The following VEGFC variants were observed in gnomAD, a reference collection of about 807,000 sequenced individuals.
VEGFC encodes vascular endothelial growth factor C, also known as FLT4 ligand DHM.
A neutral mutation model predicts 46.1 loss-of-function variants in VEGFC; 12 were observed. The ratio of observed to expected loss-of-function variants is 0.26; its 90% CI spans 0.17 to 0.42. The LOEUF is 0.42. Ranked by LOEUF, VEGFC falls within the 10% of genes least tolerant of loss-of-function variation. The probability of loss-of-function intolerance (pLI) is 1.00; values close to 1 mark genes in which losing one functional copy is unlikely to be tolerated. For synonymous variants in VEGFC, 232 were observed against 195.5 expected (o/e 1.19, Z -1.56); for missense variants, 488 against 529.4 (o/e 0.92, Z 0.77).
chr4:176,768,424 T>C (rs1057073594), intron 1 of VEGFC, among the ~76,000 whole-genome samples: 2 of 147,064 alleles, frequency 1.4e-5, no homozygotes, highest in Non-Finnish European at 3.0e-5. Context: ...AATGAGTGCA[T>C]TGAAGACAAA....
chr4:176,720,027 C>T (rs1342711166), intron 3 of VEGFC, among the ~76,000 whole-genome samples: 1 of 151,852 alleles, frequency 6.6e-6, no homozygotes, highest in Non-Finnish European at 1.5e-5. Context: ...CCATTGCACT[C>T]CAGCCTGGGT....
At chr4:176,740,017 A>ATATTCGATATATCGAATATATATAAC (rs1190624548) in intron 1 of VEGFC, among the ~76,000 whole-genome samples, 3 of 84,344 alleles carry the variant, frequency 3.6e-5, no homozygotes, top group Admixed American at 3.6e-4. Flanking sequence ...ATATAACTAT[A>ATATTCGATATATCGAATATATATAAC]TATTCGATAT....
chr4:176,732,232 C>T (rs1431497048), intron 1 of VEGFC, among the ~76,000 whole-genome samples: 5 of 151,668 alleles, frequency 3.3e-5, no homozygotes, highest in Middle Eastern at 3.4e-3. Context: ...TGAATATTAA[C>T]GAAGAAGAAA....
chr4:176,782,717 A>G (rs1199626751), intron 1 of VEGFC, among the ~76,000 whole-genome samples: 1 of 152,212 alleles, frequency 6.6e-6, no homozygotes, highest in African/African-American at 2.4e-5. Context: ...AGAGATGTGA[A>G]TGAATAATAT....
intron 2 of VEGFC, 125 bp from the exon 3 acceptor site, chr4:176,728,093 G>C: frequency 1.5e-6 from 1 of 674,762 alleles, no homozygotes; most frequent in Non-Finnish European, 2.3e-6. Context: ...TATAACTAAA[G>C]AGACAGCTGA....
intron 1 of VEGFC, among the ~76,000 whole-genome samples, chr4:176,776,384 A>AT (rs914312097): frequency 2.7e-4 from 41 of 152,166 alleles, no homozygotes; most frequent in Admixed American, 7.9e-4. Context: ...AGTGAGTTGA[A>AT]TTTTTTTCTT....
At chr4:176,691,809 A>T (rs1394178053) in intron 4 of VEGFC, among the ~76,000 whole-genome samples, 1 of 152,218 alleles carries the variant, frequency 6.6e-6, no homozygotes, top group Admixed American at 6.5e-5. Flanking sequence ...AGATGGCCAA[A>T]TAGGAACAGC....
At chr4:176,775,630 C>T (rs780387416) in intron 1 of VEGFC, among the ~76,000 whole-genome samples, 12 of 152,096 alleles carry the variant, frequency 7.9e-5, no homozygotes, top group Non-Finnish European at 1.5e-4. Flanking sequence ...AACATTCTTT[C>T]GTAATTTCTA....
chr4:176,784,885 G>C (rs1418616795), intron 1 of VEGFC, among the ~76,000 whole-genome samples: 1 of 151,350 alleles, frequency 6.6e-6, no homozygotes, highest in Non-Finnish European at 1.5e-5. Flanking sequence ...GAGAAACTAA[G>C]TAACTTGTCC....
At chr4:176,770,401 T>C (rs1376259071) in intron 1 of VEGFC, among the ~76,000 whole-genome samples, 1 of 152,338 alleles carries the variant, frequency 6.6e-6, no homozygotes, top group South Asian at 2.1e-4. Flanking sequence ...AATCCTACTA[T>C]TAACAGCATT....
intron 4 of VEGFC, among the ~76,000 whole-genome samples, chr4:176,704,637 C>T (rs1356355001): frequency 1.3e-5 from 2 of 152,108 alleles, no homozygotes; most frequent in South Asian, 2.1e-4. Context: ...TGATTACTCC[C>T]GAATTTTTCC....
At chr4:176,767,151 A>C (rs1236967636) in intron 1 of VEGFC, among the ~76,000 whole-genome samples, 1 of 144,600 alleles carries the variant, frequency 6.9e-6, no homozygotes, top group African/African-American at 2.5e-5. Flanking sequence ...AAAACAACCA[A>C]AAAGAAAAAT....
chr4:176,706,309 A>C (rs1734533773), intron 4 of VEGFC, among the ~76,000 whole-genome samples: 1 of 151,770 alleles, frequency 6.6e-6, no homozygotes. Flanking sequence ...ATTTGACTTA[A>C]AATGTTATTG....
intron 1 of VEGFC, among the ~76,000 whole-genome samples, chr4:176,733,676 G>A (rs955766376): frequency 6.6e-5 from 10 of 151,624 alleles, no homozygotes; most frequent in African/African-American, 2.4e-4. Flanking sequence ...TTGACTGTGG[G>A]GATGGTGGTT....
At chr4:176,702,058 C>T (rs569699069) in intron 4 of VEGFC, among the ~76,000 whole-genome samples, 11 of 152,228 alleles carry the variant, frequency 7.2e-5, no homozygotes, top group African/African-American at 2.6e-4. Context: ...GGCATTTGGA[C>T]TGAGGATCTG....
chr4:176,738,888 T>C (rs1193126719), intron 1 of VEGFC, among the ~76,000 whole-genome samples: 3 of 151,784 alleles, frequency 2.0e-5, no homozygotes, highest in Non-Finnish European at 4.4e-5. Context: ...GCAAAGAACA[T>C]GAACAGAGAC....
chr4:176,697,087 G>T (rs1009550980), intron 4 of VEGFC, among the ~76,000 whole-genome samples: 1 of 151,942 alleles, frequency 6.6e-6, no homozygotes, highest in African/African-American at 2.4e-5. Context: ...AGGACTTCAC[G>T]TCTAAAACAC....
At chr4:176,700,191 C>G (rs923692011) in intron 4 of VEGFC, among the ~76,000 whole-genome samples, 4 of 152,112 alleles carry the variant, frequency 2.6e-5, no homozygotes, top group Admixed American at 2.0e-4. Flanking sequence ...TCGAGATGGG[C>G]AGATCACCTG....
intron 1 of VEGFC, among the ~76,000 whole-genome samples, chr4:176,766,821 C>T (rs781010926): frequency 6.6e-6 from 1 of 151,906 alleles, no homozygotes; most frequent in Non-Finnish European, 1.5e-5. Flanking sequence ...CCCCACTACA[C>T]AAATATCAAT....
Sources: allele counts gnomAD v4.1 joint callset (sites outside exome capture counted in the v4.1 genomes callset), GRCh38; gene constraint gnomAD v4.1.1; transcripts MANE v1.5; gene names NCBI Gene and HGNC (gene_info 2026-07-23, HGNC 2026-07-21).